ERG: variants seen among roughly 807,000 people sequenced by gnomAD.
ERG encodes the protein transcriptional regulator ERG.
In ERG, 9 loss-of-function variants were observed where a neutral mutation model predicts 55.3. That is an observed-to-expected ratio of 0.16 (90% CI 0.10 to 0.28). The LOEUF is 0.28. Among genes scored for constraint, ERG ranks in the 10% least tolerant of loss-of-function variants. The pLI, the probability that ERG is intolerant of heterozygous loss-of-function variation, is 1.00. For missense variants in ERG, 434 were observed against 631.6 expected (o/e 0.69, Z 3.35); for synonymous variants, 223 against 237.3 (o/e 0.94, Z 0.55).
chr21:38,542,907 G>A (rs2146799712), intron 2 of ERG, among the ~76,000 whole-genome samples: 1 of 152,260 alleles, frequency 6.6e-6, no homozygotes, highest in East Asian at 1.9e-4. Context: ...TTTTTTAAAT[G>A]TGTCTTTTCT....
chr21:38,498,423 A>C lies in ERG; in HGVS notation c.-43T>G. The C allele has an allele frequency of 6.3e-7, 1 of 1,597,260 alleles. No homozygotes were observed. The highest frequency in any genetic ancestry group is 1.1e-5 in the South Asian group (1 of 87,862). On this transcript the variant is annotated 5_prime_UTR_variant, in exon 1 of 10. Transcript: ENST00000288319. This position sits in a 1 kb window ranked among gnomAD's most constrained non-coding sequence, Gnocchi z 4.6. ...TGATCGTTAATAAATGTTAATAATA[A>C]TTATTGCTTCTCTCTGACCAGAAAG... is the stretch of plus-strand genomic sequence containing the variant.
intron 1 of ERG, among the ~76,000 whole-genome samples, chr21:38,616,554 C>T (rs1425504037): frequency 1.3e-5 from 2 of 152,144 alleles, no homozygotes; most frequent in East Asian, 3.9e-4. Context: ...CTTCCCAACA[C>T]CTAGCACTAT....
At chr21:38,590,855 T>C (rs770110786) in intron 1 of ERG, among the ~76,000 whole-genome samples, 1 of 152,226 alleles carries the variant, frequency 6.6e-6, no homozygotes, top group Admixed American at 6.5e-5. Context: ...AACTCCCCCA[T>C]TGCCTTGCTT....
At chr21:38,573,499 T>C (rs1006568192) in intron 2 of ERG, among the ~76,000 whole-genome samples, 3 of 152,226 alleles carry the variant, frequency 2.0e-5, no homozygotes, top group Admixed American at 6.5e-5. Context: ...CAATGCTGCT[T>C]TGTTATTCTT....
chr21:38,634,018 TAAG>T (rs2060373132), intron 1 of ERG, among the ~76,000 whole-genome samples: 1 of 152,134 alleles, frequency 6.6e-6, no homozygotes. Flanking sequence ...TATAATTCTC[TAAG>T]AAGAACATTG....
intron 2 of ERG, among the ~76,000 whole-genome samples, chr21:38,541,709 A>C (rs545036173): frequency 7.9e-5 from 12 of 152,234 alleles, no homozygotes; most frequent in Admixed American, 2.0e-4. Context: ...ATTTGTAGTG[A>C]ATTTAACGAA....
chr21:38,381,132 CT>C lies in ERG; in HGVS notation c.*2270del, dbSNP rs145629856. The C allele has an allele frequency of 0.013, 14,098 of 1,065,216 alleles. 123 individuals carry two copies. The highest frequency in any genetic ancestry group is 0.032 in the East Asian group (638 of 20,078). 66.0% of individuals were successfully genotyped at this position (1,065,216 alleles called of 1,614,324 possible). ...AGCATTGGTAATCGTGTCCTGCCGA[CT>C]TCAAAGCCCACTGCCAAAACATCCA... On this transcript the variant is annotated 3_prime_UTR_variant, in exon 10 of 10. Transcript: ENST00000288319.
At chr21:38,426,217 C>T (rs556197984) in intron 2 of ERG, among the ~76,000 whole-genome samples, 1 of 152,354 alleles carries the variant, frequency 6.6e-6, no homozygotes, top group South Asian at 2.1e-4. Flanking sequence ...GCTGCCTACA[C>T]ATGCATTATT....
At chr21:38,397,353 A>G (rs928246705) in intron 6 of ERG, among the ~76,000 whole-genome samples, 2 of 152,086 alleles carry the variant, frequency 1.3e-5, no homozygotes, top group Non-Finnish European at 2.9e-5. Context: ...TAATCCCAGC[A>G]CTTTGGGAGG....
At chr21:38,418,716 C>A (rs1476710257) in intron 3 of ERG, among the ~76,000 whole-genome samples, 1 of 151,850 alleles carries the variant, frequency 6.6e-6, no homozygotes, top group Admixed American at 6.6e-5. Flanking sequence ...CACCTGAGGT[C>A]AGGAGTTTGA....
intron 3 of ERG, 99 bp downstream of exon 3, chr21:38,423,311 G>C (rs533528399): frequency 1.9e-5 from 25 of 1,293,660 alleles, no homozygotes; most frequent in Non-Finnish European, 2.7e-5. Context: ...AAGGAGATGT[G>C]ATCAATGCCA....
chr21:38,511,461 T>C (rs1199244585), intron 2 of ERG, among the ~76,000 whole-genome samples: 1 of 152,176 alleles, frequency 6.6e-6, no homozygotes, highest in Non-Finnish European at 1.5e-5. Flanking sequence ...TACACTGAAA[T>C]TAGACTGCAC....
At chr21:38,443,733 G>T in intron 2 of ERG, among the ~76,000 whole-genome samples, 1 of 151,190 alleles carries the variant, frequency 6.6e-6, no homozygotes, top group East Asian at 1.9e-4. Flanking sequence ...TTCTATCCAG[G>T]TCCTTCTGTA....
intron 1 of ERG, among the ~76,000 whole-genome samples, chr21:38,591,175 T>G (rs927811333): frequency 6.6e-6 from 1 of 152,194 alleles, no homozygotes; most frequent in Non-Finnish European, 1.5e-5. Flanking sequence ...GATGGAAAGT[T>G]CAGTGTCGCA....
At chr21:38,548,470 C>T (rs2059801940) in intron 2 of ERG, among the ~76,000 whole-genome samples, 1 of 145,742 alleles carries the variant, frequency 6.9e-6, no homozygotes. Flanking sequence ...TTTTTTGAGA[C>T]GGAAGCTCAC....
chr21:38,406,167 A>AAAAAAAAAAAAAAAAAAAAAAAC (rs1988761749), intron 3 of ERG, among the ~76,000 whole-genome samples: 1 of 151,084 alleles, frequency 6.6e-6, no homozygotes. Context: ...AAAAAAAAAA[A>AAAAAAAAAAAAAAAAAAAAAAAC]AAAAAAAATC....
At chr21:38,403,054 C>T (rs2056658213) in intron 4 of ERG, among the ~76,000 whole-genome samples, 2 of 152,230 alleles carry the variant, frequency 1.3e-5, no homozygotes, top group South Asian at 2.1e-4. Context: ...AAAGTGAAAA[C>T]TTCCCTTGTT....
chr21:38,647,105 G>A (rs537967844), intron 1 of ERG, among the ~76,000 whole-genome samples: 3 of 152,290 alleles, frequency 2.0e-5, no homozygotes, highest in East Asian at 1.9e-4. Context: ...TGTGGTCAGC[G>A]ATTCGGCATG....
intron 2 of ERG, among the ~76,000 whole-genome samples, chr21:38,440,209 G>A (rs962944380): frequency 2.6e-5 from 4 of 152,238 alleles, no homozygotes; most frequent in African/African-American, 9.6e-5. Flanking sequence ...TGGGCCAGGG[G>A]CCAGGAGATG....
Sources: gnomAD v4.1 joint callset for allele counts (sites outside exome capture counted in the v4.1 genomes callset) on GRCh38, gnomAD v4.1.1 for gene constraint, Gnocchi (gnomAD v3.1) non-coding constraint, MANE v1.5 for transcripts, NCBI Gene and HGNC (gene_info 2026-07-23, HGNC 2026-07-21) for gene names.